MGAT4C: variants seen among roughly 807,000 people sequenced by gnomAD.
MGAT4C encodes the protein MGAT4 family member C.
In MGAT4C, 19 loss-of-function variants were observed where a neutral mutation model predicts 40.1. The observed-to-expected ratio is 0.47, with a 90% CI of 0.33 to 0.70. MGAT4C has a LOEUF of 0.70. Ranked by LOEUF, MGAT4C falls within the 30% of genes least tolerant of loss-of-function variation. The probability of loss-of-function intolerance (pLI) is 0.02; values close to 1 mark genes in which losing one functional copy is unlikely to be tolerated. For synonymous variants in MGAT4C, 181 were observed against 187.1 expected, an observed-to-expected ratio of 0.97 and a Z score of 0.27; for missense variants, 491 against 563.2, an observed-to-expected ratio of 0.87 and a Z score of 1.30.
chr12:86,403,129 T>C (rs1042436180), intron 3 of MGAT4C, among the ~76,000 whole-genome samples: 1 of 152,240 alleles, frequency 6.6e-6, no homozygotes, highest in Admixed American at 6.5e-5. Flanking sequence ...ACTACTGTTA[T>C]GGCATCTTTA....
rs571628256 is a variant in MGAT4C at position 86,302,379 on chromosome 12, T to A, written c.-57+31686A>T. On this transcript the variant is annotated intron_variant, in intron 4 of 7. Coordinates refer to the MGAT4C transcript ENST00000548651. ...ATTGACAAGGAGACAGAATAGGCAG[T>A]TGCAGGGTTTTTGTTTGTTTGGTTG... Among the ~76,000 whole-genome samples the A allele has an allele frequency of 1.4e-5, 2 of 139,956 alleles. 1 individual carries two copies. Among genetic ancestry groups the A allele is most frequent in the African/African-American group, 5.6e-5 (2 of 35,686 alleles). 91.8% of individuals were successfully genotyped at this position (139,956 alleles called of 152,430 possible).
intron 1 of MGAT4C, among the ~76,000 whole-genome samples, chr12:86,102,666 A>G (rs932442856): frequency 1.1e-4 from 17 of 152,112 alleles, no homozygotes; most frequent in Admixed American, 6.6e-4. Flanking sequence ...AATCAAATGT[A>G]AGATCTGCAT....
At chr12:86,432,024 A>C (rs977019247) in intron 3 of MGAT4C, among the ~76,000 whole-genome samples, 4 of 152,092 alleles carry the variant, frequency 2.6e-5, no homozygotes, top group African/African-American at 9.7e-5. Flanking sequence ...AGTGTACTCC[A>C]CTAGAAGAAA....
chr12:86,053,422 A>G (rs907170630), intron 1 of MGAT4C, among the ~76,000 whole-genome samples: 3 of 152,012 alleles, frequency 2.0e-5, no homozygotes, highest in Non-Finnish European at 2.9e-5. Context: ...TCCCCTGGGC[A>G]GTATTCAAAC....
chr12:86,569,130 G>A lies in MGAT4C; in HGVS notation c.-228-133865C>T, dbSNP rs149381794. 7.5e-3 allele frequency among the ~76,000 whole-genome samples: 1,134 copies of A among 151,974 alleles called. 4 individuals carry two copies. Among genetic ancestry groups the A allele is most frequent in the Middle Eastern group, 0.027 (8 of 294 alleles). ...CTTCAGGAGAATAGTCTAGGCAAAG[G>A]TTTTATGACTAAGACATCAGATTCA... On this transcript the variant is annotated intron_variant, in intron 2 of 7. Transcript: ENST00000548651.
At chr12:86,692,840 C>T (rs749718282) in intron 2 of MGAT4C, among the ~76,000 whole-genome samples, 26 of 152,060 alleles carry the variant, frequency 1.7e-4, no homozygotes, top group East Asian at 7.7e-4. Context: ...CTACCTGAGA[C>T]GAGTGTACCA....
At chr12:86,224,825 C>T (rs1427491749) in intron 1 of MGAT4C, among the ~76,000 whole-genome samples, 1 of 152,050 alleles carries the variant, frequency 6.6e-6, no homozygotes, top group Non-Finnish European at 1.5e-5. Context: ...TATATTCCTA[C>T]ATCAAAAATG....
intron 1 of MGAT4C, among the ~76,000 whole-genome samples, chr12:86,070,529 C>T (rs993780): frequency 2.8e-4 from 43 of 151,930 alleles, no homozygotes; most frequent in Non-Finnish European, 1.0e-4. Flanking sequence ...TCTCAAGTTG[C>T]AACTTTAATA....
At position 86,115,882 on chromosome 12, in the gene MGAT4C, C is replaced by T. The variant is rs181858082; in HGVS notation, c.-56-66159G>A. Among the ~76,000 whole-genome samples the T allele has an allele frequency of 6.1e-3, 932 of 151,996 alleles. 6 individuals carry two copies. Among genetic ancestry groups the T allele is most frequent in the Non-Finnish European group, 0.011 (725 of 67,928 alleles). ...CCAACATCCTGAATTGATTAAGGTC[C>T]ACCATGATCTCATTTTAACTTAATT... is the stretch of plus-strand genomic sequence containing the variant. On this transcript the variant is annotated intron_variant, in intron 1 of 4. Coordinates refer to ENST00000611864, the MANE Select transcript of MGAT4C (RefSeq NM_001351288.2).
intron 2 of MGAT4C, among the ~76,000 whole-genome samples, chr12:86,550,419 C>T (rs981599978): frequency 6.6e-6 from 1 of 152,176 alleles, no homozygotes; most frequent in Non-Finnish European, 1.5e-5. Flanking sequence ...ATTCACACAG[C>T]TGCATTGCCA....
At chr12:85,985,879 T>C (rs1240602831) in intron 3 of MGAT4C, among the ~76,000 whole-genome samples, 1 of 152,138 alleles carries the variant, frequency 6.6e-6, no homozygotes, top group Non-Finnish European at 1.5e-5. Context: ...CTGGAAGAAA[T>C]TTCTGTAAAA....
chr12:86,333,474 G>T lies in MGAT4C; in HGVS notation c.-57+591C>A, dbSNP rs528833472. On this transcript the variant is annotated intron_variant, in intron 4 of 7. Transcript: ENST00000548651. ...TATCCCAGAGTTGTAGCCATGGCAG[G>T]GTTCAAGAACAAAACAGCAGGCTAT... Among the ~76,000 whole-genome samples, 4 of 152,124 alleles carry T rather than the reference G, an allele frequency of 2.6e-5. No homozygotes were observed. The South Asian group carries it at 8.3e-4, about 32-fold the overall frequency.
At chr12:86,342,062 G>C (rs1954917749) in intron 3 of MGAT4C, among the ~76,000 whole-genome samples, 1 of 151,970 alleles carries the variant, frequency 6.6e-6, no homozygotes, top group Non-Finnish European at 1.5e-5. Flanking sequence ...CTCTGGGGGG[G>C]ACCTCTCAAC....
At chr12:86,592,395 G>A (rs930848475) in intron 2 of MGAT4C, among the ~76,000 whole-genome samples, 8 of 152,048 alleles carry the variant, frequency 5.3e-5, no homozygotes, top group East Asian at 1.9e-4. Context: ...CTTCAAAAAC[G>A]GCTGTGAAAA....
chr12:86,514,026 A>T (rs537883244), intron 2 of MGAT4C, among the ~76,000 whole-genome samples: 1 of 151,338 alleles, frequency 6.6e-6, no homozygotes, highest in South Asian at 2.1e-4. Flanking sequence ...AAGTGAAAGC[A>T]GAGTTGTCAG....
intron 3 of MGAT4C, among the ~76,000 whole-genome samples, chr12:86,420,845 GTATATACA>G (rs1170478044): frequency 1.4e-5 from 2 of 144,946 alleles, no homozygotes; most frequent in African/African-American, 5.1e-5. Context: ...ACACACATAT[GTATATACA>G]TATATATGTG....
intron 2 of MGAT4C, among the ~76,000 whole-genome samples, chr12:86,609,374 A>T (rs1257329118): frequency 1.3e-5 from 2 of 152,128 alleles, no homozygotes; most frequent in Non-Finnish European, 1.5e-5. Context: ...AATATTTGTT[A>T]TGCTTATATC....
chr12:86,627,133 A>G (rs1962836321), intron 2 of MGAT4C, among the ~76,000 whole-genome samples: 1 of 147,948 alleles, frequency 6.8e-6, no homozygotes, highest in Admixed American at 6.8e-5. Context: ...TCAGCAGTCC[A>G]AGATCGAACT....
chr12:86,073,446 A>C (rs533875134), intron 1 of MGAT4C, among the ~76,000 whole-genome samples: 1 of 152,294 alleles, frequency 6.6e-6, no homozygotes, highest in South Asian at 2.1e-4. Context: ...AACAGGTAGT[A>C]GTTGGAACAG....
Sources: gnomAD v4.1 joint callset for allele counts (sites outside exome capture counted in the v4.1 genomes callset) on GRCh38, gnomAD v4.1.1 for gene constraint, MANE v1.5 for transcripts, NCBI Gene and HGNC (gene_info 2026-07-23, HGNC 2026-07-21) for gene names.